Variants in STAU2 observed in about 807,000 individuals in gnomAD.
STAU2 encodes staufen double-stranded RNA binding protein 2.
STAU2 carries 20 observed loss-of-function variants against 65.9 expected under a neutral mutation model. The ratio of observed to expected loss-of-function variants is 0.30; its 90% CI spans 0.21 to 0.44. The LOEUF (loss-of-function observed/expected upper bound fraction) is 0.44. STAU2 is among the 20% of genes least tolerant of loss of function. The pLI is 1.00. For synonymous variants in STAU2, 232 were observed against 233.9 expected (o/e 0.99, Z 0.07); for missense variants, 558 against 683.9 (o/e 0.82, Z 2.05).
intron 13 of STAU2, among the ~76,000 whole-genome samples, chr8:73,471,817 T>TAAAAAAAAAAAA (rs569600617): frequency 1.6e-4 from 14 of 86,800 alleles, no homozygotes; most frequent in Admixed American, 4.4e-4. Flanking sequence ...AGACTCCAAC[T>TAAAAAAAAAAAA]AAAAAAAAAA....
At chr8:73,551,808 G>A in intron 13 of STAU2, 1 of 1,226,380 alleles carries the variant, frequency 8.2e-7, no homozygotes. Context: ...GGCAGCAAAA[G>A]AATTACTAGA....
chr8:73,450,582 C>T (rs899178826), intron 13 of STAU2, among the ~76,000 whole-genome samples: 2 of 152,158 alleles, frequency 1.3e-5, no homozygotes, highest in East Asian at 1.9e-4. Flanking sequence ...AAATATAATA[C>T]AGGTAAAGAA....
At chr8:73,675,503 C>T (rs1489161293) in intron 5 of STAU2, 1 of 152,150 alleles carries the variant, frequency 6.6e-6, no homozygotes, top group Non-Finnish European at 1.5e-5. Context: ...GCATACTCCT[C>T]ACCGCATGAC....
intron 12 of STAU2, among the ~76,000 whole-genome samples, chr8:73,564,860 T>C (rs1808485747): frequency 6.6e-6 from 1 of 152,126 alleles, no homozygotes; most frequent in Admixed American, 6.5e-5. Flanking sequence ...ATTTAAAAGA[T>C]ATGCATATTA....
chr8:73,432,037 G>C (rs1028382729), intron 13 of STAU2, among the ~76,000 whole-genome samples: 1 of 152,054 alleles, frequency 6.6e-6, no homozygotes, highest in African/African-American at 2.4e-5. Flanking sequence ...TTTTTATTTT[G>C]TCTTTTTCCA....
At chr8:73,706,252 G>A (rs1449453589) in intron 4 of STAU2, among the ~76,000 whole-genome samples, 2 of 152,018 alleles carry the variant, frequency 1.3e-5, no homozygotes, top group African/African-American at 4.8e-5. Flanking sequence ...GAGTAGGTGG[G>A]ATTATAGTCA....
intron 3 of STAU2, chr8:73,728,192 G>C (rs1300880243): frequency 1.3e-5 from 2 of 152,146 alleles, no homozygotes; most frequent in Non-Finnish European, 2.9e-5. Flanking sequence ...ACCATTTGAA[G>C]AGATTATTCT....
chr8:73,458,908 T>G (rs145461726), intron 13 of STAU2: 10 of 152,336 alleles, frequency 6.6e-5, no homozygotes, highest in African/African-American at 2.4e-4. Flanking sequence ...GCCAAGAAGT[T>G]CTTACATTCC....
In STAU2 at chr8:73,613,879, T is replaced by C. The variant is rs768314715; in HGVS notation, c.756A>G (p.Gly252=). The C allele has an allele frequency of 5.0e-6, 8 of 1,613,712 alleles. No individual in the cohort carries two copies. In the African/African-American group the frequency reaches 6.7e-5, roughly 13 times the overall value. The change falls in exon 9 of 15, where the codon GGA becomes GGG. Residue 252 remains glycine, a synonymous_variant. Coordinates refer to ENST00000524300, the MANE Select transcript of STAU2 (RefSeq NM_001164380.2). Reference sequence around the variant, plus strand: ...TGGAGAGTTTTTTGCTATTTCCTTCTCCTTCTGCAGAGAACTCTCCTACTG... The same window carrying C: ...TGGAGAGTTTTTTGCTATTTCCTTCCCCTTCTGCAGAGAACTCTCCTACTG... ...RVSVGEFSAE[G]EGNSKKLSKK...
At position 73,423,104 on chromosome 8, in the gene STAU2, G is replaced by A. The variant is rs147037705; in HGVS notation, c.1531-402C>T. Among the ~76,000 whole-genome samples, 432 of 152,312 alleles carry A rather than the reference G, an allele frequency of 2.8e-3. 1 individual carries two copies. The highest frequency in any genetic ancestry group is 9.7e-3 in the African/African-American group (405 of 41,560). On this transcript the variant is annotated intron_variant, in intron 13 of 14. Transcript: ENST00000524300. ...TATTCTTTCCAAAGTAAGCATAAAG[G>A]TATTGTTCAAATTGATAGACACTTA... is the stretch of plus-strand genomic sequence containing the variant.
At chr8:73,520,643 G>A (rs1822991690) in intron 13 of STAU2, among the ~76,000 whole-genome samples, 1 of 152,142 alleles carries the variant, frequency 6.6e-6, no homozygotes, top group African/African-American at 2.4e-5. Context: ...ATAGCTGGAG[G>A]GGTTCCTGGT....
chr8:73,517,433 A>AAAATAAATAAAT (rs57516116), intron 13 of STAU2, among the ~76,000 whole-genome samples: 42 of 150,812 alleles, frequency 2.8e-4, no homozygotes, highest in South Asian at 6.3e-4. Flanking sequence ...TCAATAAATA[A>AAAATAAATAAAT]AAATAAATAA....
intron 6 of STAU2, among the ~76,000 whole-genome samples, chr8:73,661,304 TA>T (rs1816814984): frequency 2.6e-5 from 4 of 152,202 alleles, no homozygotes. Context: ...AAACACCCTA[TA>T]AGGTAAATAT....
At chr8:73,581,848 C>T (rs1359932880) in intron 12 of STAU2, among the ~76,000 whole-genome samples, 1 of 152,110 alleles carries the variant, frequency 6.6e-6, no homozygotes, top group Non-Finnish European at 1.5e-5. Flanking sequence ...GAATTTGTTA[C>T]TAATTTCATT....
intron 13 of STAU2, among the ~76,000 whole-genome samples, chr8:73,464,993 T>C (rs1268354281): frequency 6.6e-6 from 1 of 152,242 alleles, no homozygotes; most frequent in Non-Finnish European, 1.5e-5. Flanking sequence ...AATTTATGTA[T>C]GAAACCAAAA....
At chr8:73,702,382 A>T (rs1256825975) in intron 4 of STAU2, among the ~76,000 whole-genome samples, 1 of 152,114 alleles carries the variant, frequency 6.6e-6, no homozygotes, top group Non-Finnish European at 1.5e-5. Flanking sequence ...AAGAGAGATG[A>T]TTACAACAAG....
intron 13 of STAU2, among the ~76,000 whole-genome samples, chr8:73,544,958 GT>G (rs1317124371): frequency 6.6e-6 from 1 of 152,100 alleles, no homozygotes; most frequent in African/African-American, 2.4e-5. Context: ...AGTTTAGCAT[GT>G]TTAGCAAGTT....
At chr8:73,723,956 A>T (rs561972175) in intron 3 of STAU2, among the ~76,000 whole-genome samples, 1 of 152,346 alleles carries the variant, frequency 6.6e-6, no homozygotes, top group South Asian at 2.1e-4. Context: ...GACTTTGTCC[A>T]GGCATACAGT....
chr8:73,577,170 T>C (rs1809622524), intron 12 of STAU2, among the ~76,000 whole-genome samples: 1 of 152,190 alleles, frequency 6.6e-6, no homozygotes, highest in South Asian at 2.1e-4. Context: ...GGCTCACGCC[T>C]GTAATCCCAG....
Sources: gnomAD v4.1 joint callset for allele counts (sites outside exome capture counted in the v4.1 genomes callset) on GRCh38, gnomAD v4.1.1 for gene constraint, MANE v1.5 for transcripts, NCBI Gene and HGNC (gene_info 2026-07-23, HGNC 2026-07-21) for gene names.